RAP1GAP: variants seen among roughly 807,000 people sequenced by gnomAD.
RAP1GAP encodes rap1 GTPase-activating protein 1.
RAP1GAP carries 35 observed loss-of-function variants against 87.2 expected under a neutral mutation model. That is an observed-to-expected ratio of 0.40 (90% confidence interval 0.31 to 0.53). RAP1GAP has a LOEUF of 0.53. Ranked by LOEUF, RAP1GAP falls within the 20% of genes least tolerant of loss-of-function variation. The pLI is 0.48. For missense variants in RAP1GAP, 734 were observed against 898.9 expected (o/e 0.82, Z 2.35); for synonymous variants, 375 against 363.9 (o/e 1.03, Z -0.35).
At chr1:21,607,771 C>A (rs1558645387) in intron 17 of RAP1GAP, among the ~76,000 whole-genome samples, 3 of 152,120 alleles carry the variant, frequency 2.0e-5, no homozygotes. Context: ...CTACCCAAGG[C>A]AGACTATGTC....
chr1:21,597,877 G>T, intron 23 of RAP1GAP, 84 bp downstream of exon 23: 1 of 1,497,402 alleles, frequency 6.7e-7, no homozygotes, highest in Non-Finnish European at 9.1e-7. Context: ...CCTCTTGGTC[G>T]AGCCTCAGCT....
chr1:21,598,628 C>T (rs1009218201), intron 21 of RAP1GAP, 126 bp from the exon 22 acceptor site: 14 of 766,286 alleles, frequency 1.8e-5, no homozygotes, highest in South Asian at 5.1e-5. Context: ...GCGAGGAGGA[C>T]GGGCCTAGCC....
rs544314060 is a variant in RAP1GAP at position 21,649,317 on chromosome 1, G to A, written c.-113+444C>T. Among the ~76,000 whole-genome samples the A allele has an allele frequency of 2.6e-3, 400 of 152,064 alleles. 1 individual carries two copies. Among genetic ancestry groups the A allele is most frequent in the Non-Finnish European group, 4.5e-3 (305 of 68,014 alleles). On this transcript the variant is annotated intron_variant, in intron 2 of 24. Transcript: ENST00000374765. The stretch of plus-strand genomic sequence containing the variant: ...GGATTTGGGGGTCAGTAAAGGCTAA[G>A]GGAGCCCCAGCCCAGCGAGGGGCCA...
chr1:21,626,566 A>G (rs829410), intron 2 of RAP1GAP, among the ~76,000 whole-genome samples, 169 bp from the exon 3 acceptor site: 16,164 of 152,094 alleles, frequency 0.11, 1,910 homozygotes, highest in African/African-American at 0.29. Flanking sequence ...TAGCAGGGCT[A>G]CCACACAGGC....
At chr1:21,602,692 G>A in intron 19 of RAP1GAP, 112 bp downstream of exon 19, 1 of 904,800 alleles carries the variant, frequency 1.1e-6, no homozygotes, top group Non-Finnish European at 1.6e-6. Context: ...TCACTAGTGG[G>A]GATGGAGAGG....
Position 21,611,506 on chromosome 1 carries a change from C to T in RAP1GAP, c.789G>A (p.Glu263=). The part of the protein sequence containing the change: ...ESVYCNFRNK[E]IMFHVSTKLP... Reference sequence around the variant, plus strand: ...GCTTGGTGGACACGTGAAACATGATCTCCTTGTTGCGGAAGTTGCAGTACA... The same window carrying T: ...GCTTGGTGGACACGTGAAACATGATTTCCTTGTTGCGGAAGTTGCAGTACA... Residue 263 remains glutamate (E), a synonymous_variant, in exon 13 of 25, where the codon GAG becomes GAA. Coordinates refer to ENST00000374765, the MANE Select transcript of RAP1GAP (RefSeq NM_002885.4). The T allele has an allele frequency of 1.2e-6, 2 of 1,614,208 alleles. No individual in the cohort carries two copies. The highest frequency in any genetic ancestry group is 1.7e-6 in the Non-Finnish European group (2 of 1,180,044).
At chr1:21,612,257 T>C in intron 10 of RAP1GAP, 148 bp from the exon 11 acceptor site, 1 of 683,612 alleles carries the variant, frequency 1.5e-6, no homozygotes, top group Non-Finnish European at 2.6e-6. Flanking sequence ...ACAGTCCAGC[T>C]GTCCCCTCTG....
intron 1 of RAP1GAP, chr1:21,653,346 TCA>T (rs1413881175): frequency 6.6e-6 from 1 of 152,258 alleles, no homozygotes; most frequent in Admixed American, 6.5e-5. Context: ...CATTATTTCC[TCA>T]TTCCTAGAAC....
intron 7 of RAP1GAP, 121 bp from the exon 8 acceptor site, chr1:21,614,210 C>G: frequency 1.5e-6 from 1 of 647,654 alleles, no homozygotes; most frequent in Non-Finnish European, 2.7e-6. Context: ...GGTGTCACGG[C>G]TGATAGCAGA....
chr1:21,629,251 G>A (rs9426770), intron 2 of RAP1GAP, among the ~76,000 whole-genome samples: 2 of 152,010 alleles, frequency 1.3e-5, no homozygotes, highest in African/African-American at 4.8e-5. Flanking sequence ...TGCTGGGTGC[G>A]GCCGTGGCTG....
chr1:21,604,556 C>T (rs1284380663), intron 18 of RAP1GAP, among the ~76,000 whole-genome samples: 1 of 152,132 alleles, frequency 6.6e-6, no homozygotes, highest in Admixed American at 6.5e-5. Flanking sequence ...GGTCCTGTCC[C>T]TGGGGCCCCT....
chr1:21,643,855 C>T (rs1160437609), intron 2 of RAP1GAP, among the ~76,000 whole-genome samples: 1 of 152,202 alleles, frequency 6.6e-6, no homozygotes. Flanking sequence ...GGAAGTTGAA[C>T]TGGGTATTTG....
chr1:21,609,912 C>T lies in RAP1GAP; in HGVS notation c.999+208G>A, dbSNP rs1278350108. Among the ~76,000 whole-genome samples the T allele has an allele frequency of 6.6e-6, 1 of 152,082 alleles. No homozygotes were observed. Among genetic ancestry groups the T allele is most frequent in the Non-Finnish European group, 1.5e-5 (1 of 68,014 alleles). ...GGAGGTGGAGGACAGTGATACCAGGCCAGGAGGCAGAGGAGGGAAACTGTC... is the reference window on the plus strand; with the variant it reads ...GGAGGTGGAGGACAGTGATACCAGGTCAGGAGGCAGAGGAGGGAAACTGTC... On this transcript the variant is annotated intron_variant, in intron 14 of 24. Transcript: ENST00000374765. The surrounding 1 kb of genome is among the most constrained non-coding windows in gnomAD (Gnocchi z 4.4).
intron 22 of RAP1GAP, 90 bp downstream of exon 22, chr1:21,598,310 T>C (rs1646449292): frequency 1.6e-6 from 2 of 1,222,622 alleles, no homozygotes; most frequent in South Asian, 2.6e-5. Flanking sequence ...TCACATCCAC[T>C]GCATGGGGCA....
At chr1:21,663,162 G>T (rs72660359) in intron 1 of RAP1GAP, among the ~76,000 whole-genome samples, 3,987 of 152,318 alleles carry the variant, frequency 0.026, 72 homozygotes, top group Middle Eastern at 0.054. Flanking sequence ...GACAGGTGAG[G>T]TCTTTGTCCC....
At position 21,603,267 on chromosome 1, in the gene RAP1GAP, A is replaced by G. The variant is rs1478337187; in HGVS notation, c.1429-354T>C. ...GATCTGCAGCCTAAGGGCAGTGGTC[A>G]GAGGGCAGTGTAGCAACCCAAGTCC... On this transcript the variant is annotated intron_variant, in intron 18 of 24. Transcript: ENST00000374765. The surrounding 1 kb of genome is among the most constrained non-coding windows in gnomAD (Gnocchi z 6.0). 3 of 398,294 alleles carry G rather than the reference A, an allele frequency of 7.5e-6. No homozygotes were observed. The highest frequency in any genetic ancestry group is 4.0e-5 in the South Asian group (1 of 25,076). The allele number at this position is 398,294 out of a possible 1,614,324, so 24.7% of individuals were successfully genotyped here. A position where few individuals can be genotyped will look rare whatever the true frequency, so the allele number is the denominator to read the frequency against.
At chr1:21,661,588 C>CA (rs2097157042) in intron 1 of RAP1GAP, among the ~76,000 whole-genome samples, 3 of 152,356 alleles carry the variant, frequency 2.0e-5, no homozygotes, top group Admixed American at 2.0e-4. Flanking sequence ...CATAACCTCT[C>CA]AAAGCCTCAG....
Position 21,622,269 on chromosome 1 carries a change from G to T in RAP1GAP, c.-18-2219C>A, listed in dbSNP as rs1407785065. ...CGCCCTGGCTGGGGCAGAGCCGGCCGGGCTCCCCAGCAGTCGGGGTGACCC... is the reference window on the plus strand; with the variant it reads ...CGCCCTGGCTGGGGCAGAGCCGGCCTGGCTCCCCAGCAGTCGGGGTGACCC... On this transcript the variant is annotated intron_variant, in intron 3 of 24. Transcript: ENST00000374765. This position sits in a 1 kb window ranked among gnomAD's most constrained non-coding sequence, Gnocchi z 5.7. The T allele has an allele frequency of 2.3e-6, 1 of 443,364 alleles. No individual in the cohort carries two copies. The highest frequency in any genetic ancestry group is 4.0e-6 in the Non-Finnish European group (1 of 248,810). 27.5% of individuals were successfully genotyped at this position (443,364 alleles called of 1,614,324 possible).
chr1:21,622,195 G>C lies in RAP1GAP; in HGVS notation c.-18-2145C>G, dbSNP rs536927403. The C allele has an allele frequency of 7.0e-4, 219 of 314,560 alleles. 2 individuals are homozygous for C. Among genetic ancestry groups the C allele is most frequent in the Non-Finnish European group, 9.5e-5 (16 of 168,670 alleles). The allele number at this position is 314,560 out of a possible 1,614,324, so 19.5% of individuals were successfully genotyped here. A position where few individuals can be genotyped will look rare whatever the true frequency, so the allele number is the denominator to read the frequency against. On this transcript the variant is annotated intron_variant, in intron 3 of 24. Coordinates refer to ENST00000374765, the MANE Select transcript of RAP1GAP (RefSeq NM_002885.4). This position sits in a 1 kb window ranked among gnomAD's most constrained non-coding sequence, Gnocchi z 5.7. The stretch of plus-strand genomic sequence containing the variant: ...AGGGTAGGGGTGCGCCCCGTGGCCA[G>C]TGTCAGCCCAGAAGCTCACACGCCC...
Sources: gnomAD v4.1 joint callset for allele counts (sites outside exome capture counted in the v4.1 genomes callset) on GRCh38, gnomAD v4.1.1 for gene constraint, Gnocchi (gnomAD v3.1) non-coding constraint, MANE v1.5 for transcripts, NCBI Gene and HGNC (gene_info 2026-07-23, HGNC 2026-07-21) for gene names.